The following TUSC3 variants were observed in gnomAD, a reference collection of about 807,000 sequenced individuals.
TUSC3 encodes dolichyl-diphosphooligosaccharide--protein glycosyltransferase subunit TUSC3.
A neutral mutation model predicts 44.8 loss-of-function variants in TUSC3; 45 were observed. The observed-to-expected ratio is 1.00, with a 90% CI of 0.79 to 1.29. The LOEUF is 1.29. Among genes scored for constraint, TUSC3 ranks in the 50% most tolerant of loss-of-function variants. The probability of loss-of-function intolerance (pLI) is 0.00; values close to 1 mark genes in which losing one functional copy is unlikely to be tolerated. For missense variants in TUSC3, 519 were observed against 437.9 expected (o/e 1.19, Z -1.65); for synonymous variants, 212 against 152.9 (o/e 1.39, Z -2.85).
chr8:15,755,244 G>A (rs1811874191), intron 9 of TUSC3, among the ~76,000 whole-genome samples: 1 of 152,084 alleles, frequency 6.6e-6, no homozygotes, highest in African/African-American at 2.4e-5. Context: ...TATAAATGGA[G>A]ATGATTTGTC....
chr8:15,720,915 C>T (rs185373558), intron 6 of TUSC3, among the ~76,000 whole-genome samples: 2 of 152,116 alleles, frequency 1.3e-5, no homozygotes, highest in African/African-American at 4.8e-5. Context: ...CCTGGCCACC[C>T]AGGGTTCTTG....
chr8:15,835,698 G>A, the TUSC3 span, among the ~76,000 whole-genome samples: 6 of 152,244 alleles, frequency 3.9e-5, no homozygotes, highest in South Asian at 1.0e-3. Flanking sequence ...TGTGCAGCTA[G>A]GAGAGAAGAT....
chr8:15,670,485 A>G (rs1395957497), intron 5 of TUSC3, among the ~76,000 whole-genome samples: 1 of 151,820 alleles, frequency 6.6e-6, no homozygotes, highest in East Asian at 1.9e-4. Context: ...AGCCAACTGG[A>G]TATCCATATG....
At chr8:15,846,678 A>G in the TUSC3 span, among the ~76,000 whole-genome samples, 16,569 of 152,020 alleles carry the variant, frequency 0.11, 993 homozygotes, top group East Asian at 0.22. Context: ...ATGAGAACAC[A>G]TGGACACAGG....
At chr8:15,741,602 G>A (rs1585290378) in intron 7 of TUSC3, among the ~76,000 whole-genome samples, 2 of 151,896 alleles carry the variant, frequency 1.3e-5, no homozygotes, top group South Asian at 4.2e-4. Context: ...CATGAGAACC[G>A]CTTGAACCTG....
chr8:15,582,986 C>A lies in TUSC3; in HGVS notation c.139-40094C>A, dbSNP rs183891617. ...CAAATCAAATCTTACATTTAGAGATCTGTCTGTACATTTTTATTTTGATTT... is the reference window on the plus strand; with the variant it reads ...CAAATCAAATCTTACATTTAGAGATATGTCTGTACATTTTTATTTTGATTT... On this transcript the variant is annotated intron_variant, in intron 1 of 10. Coordinates refer to ENST00000503731, the MANE Select transcript of TUSC3 (RefSeq NM_006765.4). 4.4e-3 allele frequency among the ~76,000 whole-genome samples: 672 copies of A among 152,252 alleles called. 11 individuals carry two copies. The highest frequency in any genetic ancestry group is 3.4e-3 in the Middle Eastern group (1 of 294).
chr8:15,779,118 T>C, the TUSC3 span, among the ~76,000 whole-genome samples: 16 of 50,870 alleles, frequency 3.1e-4, no homozygotes, highest in South Asian at 2.1e-3. Flanking sequence ...TTTTTTTTTT[T>C]CCACGTTACT....
At chr8:15,733,600 T>A in intron 7 of TUSC3, 1 of 185,652 alleles carries the variant, frequency 5.4e-6, no homozygotes, top group Non-Finnish European at 1.1e-5. Flanking sequence ...TTCATATAGA[T>A]CTTAGCAGTG....
chr8:15,716,544 T>C (rs1444869142), intron 6 of TUSC3, among the ~76,000 whole-genome samples: 1 of 152,136 alleles, frequency 6.6e-6, no homozygotes. Flanking sequence ...TATGTGTAAG[T>C]GCTCCCTTGT....
At chr8:15,694,119 A>G (rs975887163) in intron 6 of TUSC3, among the ~76,000 whole-genome samples, 3 of 151,954 alleles carry the variant, frequency 2.0e-5, no homozygotes, top group African/African-American at 7.3e-5. Context: ...TCCATATTCC[A>G]TATTGTATTT....
At chr8:15,812,938 A>G in the TUSC3 span, among the ~76,000 whole-genome samples, 3 of 152,094 alleles carry the variant, frequency 2.0e-5, no homozygotes, top group African/African-American at 7.2e-5. Flanking sequence ...TACTAAAAAT[A>G]TAAAAATTAG....
At chr8:15,821,595 TAGG>T in the TUSC3 span, among the ~76,000 whole-genome samples, 41 of 151,846 alleles carry the variant, frequency 2.7e-4, no homozygotes, top group African/African-American at 9.9e-4. Flanking sequence ...TTTTTTTTTT[TAGG>T]AGTTTTATCT....
chr8:15,801,203 C>T, the TUSC3 span, among the ~76,000 whole-genome samples: 5 of 152,190 alleles, frequency 3.3e-5, no homozygotes, highest in Non-Finnish European at 4.4e-5. Flanking sequence ...GGGTGGATTA[C>T]GCACGCCTCT....
At chr8:15,422,689 T>C (rs1208592977) in intron 1 of TUSC3, among the ~76,000 whole-genome samples, 1 of 152,124 alleles carries the variant, frequency 6.6e-6, no homozygotes, top group African/African-American at 2.4e-5. Flanking sequence ...TCTCACTCTG[T>C]CACCCAGGCT....
At chr8:15,649,409 C>T (rs963492182) in intron 2 of TUSC3, among the ~76,000 whole-genome samples, 1 of 151,716 alleles carries the variant, frequency 6.6e-6, no homozygotes, top group South Asian at 2.1e-4. Context: ...ACGGTGAAAC[C>T]CCGTCTCTAC....
chr8:15,478,508 A>C (rs1800613357), intron 1 of TUSC3, among the ~76,000 whole-genome samples: 1 of 152,204 alleles, frequency 6.6e-6, no homozygotes. Context: ...ACTCCCACTC[A>C]TAAGTGAGAA....
rs11545035 is a variant in TUSC3, at chr8:15,623,134, A to G, written c.193A>G (p.Ile65Val). The G allele has an allele frequency of 7.0e-3, 11,350 of 1,613,952 alleles. 56 individuals are homozygous for G. The highest frequency in any genetic ancestry group is 7.7e-3 in the Non-Finnish European group (9,085 of 1,179,918). Residue 65 changes from isoleucine to valine, a missense_variant, in exon 2 of 11, where the codon ATC (isoleucine) becomes GTC (valine). By Grantham distance (29) the Ile-to-Val change is conservative. Coordinates refer to ENST00000503731, the MANE Select transcript of TUSC3 (RefSeq NM_006765.4). ...QLMEWSSRRS[I>V]FRMNGDKFRK... ...GATGGAATGGAGTTCCAGACGCTCA[A>G]TCTTCCGAATGAATGGTGATAAATT...
chr8:15,778,560 A>AT, the TUSC3 span, among the ~76,000 whole-genome samples: 3 of 152,182 alleles, frequency 2.0e-5, no homozygotes, highest in Admixed American at 6.5e-5. Flanking sequence ...AGCAGCCAGT[A>AT]TTATTAGGTA....
chr8:15,474,833 A>C lies in TUSC3; in HGVS notation n.92-8553A>C, dbSNP rs556720502. On this transcript the variant is annotated intron_variant and non_coding_transcript_variant, in intron 1 of 5. Coordinates refer to the TUSC3 transcript ENST00000503191. ...GTCCCACTTCTCACATTGCTCCTTC[A>C]TATCCACACACAACCCATCCCAACC... Among the ~76,000 whole-genome samples, 3 of 152,298 alleles carry C rather than the reference A, an allele frequency of 2.0e-5. No homozygotes were observed. The East Asian group carries it at 5.8e-4, about 29-fold the overall frequency.
Sources: allele counts gnomAD v4.1 joint callset (sites outside exome capture counted in the v4.1 genomes callset), GRCh38; gene constraint gnomAD v4.1.1; transcripts MANE v1.5; gene names NCBI Gene and HGNC (gene_info 2026-07-23, HGNC 2026-07-21).